Variants in GYS2 observed in about 807,000 individuals in gnomAD.
GYS2 encodes glycogen synthase 2, also known as glycogen [starch] synthase, liver.
Under a neutral mutation model 85.6 loss-of-function variants are expected in GYS2, and 80 were observed. The observed-to-expected ratio is 0.93, with a 90% CI of 0.78 to 1.13. The LOEUF (loss-of-function observed/expected upper bound fraction) is 1.13, where lower values mean the gene tolerates loss of function less well. Ranked by LOEUF, GYS2 falls within the 50% of genes most tolerant of loss-of-function variation. The pLI is 0.00. For synonymous variants in GYS2, 328 were observed against 300.7 expected, an observed-to-expected ratio of 1.09 and a Z score of -0.94; for missense variants, 881 against 854.9, an observed-to-expected ratio of 1.03 and a Z score of -0.38.
intron 14 of GYS2, among the ~76,000 whole-genome samples, chr12:21,539,943 G>A (rs997295100): frequency 1.3e-5 from 2 of 152,194 alleles, no homozygotes; most frequent in Non-Finnish European, 2.9e-5. Context: ...AGCTGTGTGA[G>A]CATCCAGGTG....
intron 11 of GYS2, among the ~76,000 whole-genome samples, chr12:21,553,371 T>C (rs1944136540): frequency 6.6e-6 from 1 of 152,228 alleles, no homozygotes; most frequent in African/African-American, 2.4e-5. Flanking sequence ...TCTGCTGCCT[T>C]CTTTATAGAT....
chr12:21,565,396 TA>T, intron 5 of GYS2, among the ~76,000 whole-genome samples: 2 of 20,356 alleles, frequency 9.8e-5, no homozygotes, highest in Middle Eastern at 0.026. Context: ...ATGAAATATA[TA>T]TATATATATA....
At chr12:21,563,627 G>A (rs1400286607) in intron 5 of GYS2, among the ~76,000 whole-genome samples, 1 of 152,092 alleles carries the variant, frequency 6.6e-6, no homozygotes, top group South Asian at 2.1e-4. Flanking sequence ...AATAATAATG[G>A]TTATTATAGT....
rs1268444701 is a variant in GYS2 at position 21,536,807 on chromosome 12, T to TCAC, written c.*144_*146dup. ...TTATCCTAAATTACAAAATTGTCAT[T>TCAC]CACTCAATTTCTTCCACTTTTTAGG... On this transcript the variant is annotated 3_prime_UTR_variant, in exon 16 of 16. Coordinates refer to ENST00000261195, the MANE Select transcript of GYS2 (RefSeq NM_021957.4). The TCAC allele has an allele frequency of 3.1e-6, 2 of 652,516 alleles. No individual in the cohort carries two copies. Among genetic ancestry groups the TCAC allele is most frequent in the Admixed American group, 5.1e-5 (2 of 39,340 alleles). The allele number at this position is 652,516 out of a possible 1,614,324, so 40.4% of individuals were successfully genotyped here. A position where few individuals can be genotyped will look rare whatever the true frequency, so the allele number is the denominator to read the frequency against.
chr12:21,572,699 A>G (rs2136900697), intron 4 of GYS2, among the ~76,000 whole-genome samples: 1 of 152,348 alleles, frequency 6.6e-6, no homozygotes, highest in Admixed American at 6.5e-5. Flanking sequence ...TATGAAAAAT[A>G]CTGCCCTTTC....
intron 14 of GYS2, among the ~76,000 whole-genome samples, chr12:21,539,586 T>C (rs1023843614): frequency 6.6e-6 from 1 of 152,176 alleles, no homozygotes; most frequent in Non-Finnish European, 1.5e-5. Flanking sequence ...CATATTGAGC[T>C]CTGAATTGAG....
chr12:21,569,412 C>A (rs1386491097), intron 4 of GYS2, among the ~76,000 whole-genome samples: 1 of 152,156 alleles, frequency 6.6e-6, no homozygotes. Context: ...TTAAAGTTGA[C>A]ATCGAAAATA....
intron 1 of GYS2, among the ~76,000 whole-genome samples, chr12:21,602,007 T>C (rs1944761034): frequency 6.6e-6 from 1 of 152,172 alleles, no homozygotes; most frequent in African/African-American, 2.4e-5. Flanking sequence ...GGCAAAATTC[T>C]GGCAGCAAGG....
intron 2 of GYS2, among the ~76,000 whole-genome samples, chr12:21,579,469 T>C (rs372707900): frequency 6.7e-6 from 1 of 149,486 alleles, no homozygotes. Context: ...TTCTCCTGCC[T>C]CAGCCTCCTG....
chr12:21,578,393 G>A (rs1425369418), intron 2 of GYS2, among the ~76,000 whole-genome samples: 1 of 152,076 alleles, frequency 6.6e-6, no homozygotes, highest in Middle Eastern at 3.2e-3. Context: ...TTGCATGAAT[G>A]GTCAAATTAA....
chr12:21,597,026 C>T (rs1944704237), intron 1 of GYS2, among the ~76,000 whole-genome samples: 1 of 152,094 alleles, frequency 6.6e-6, no homozygotes, highest in East Asian at 1.9e-4. Context: ...CCTAATACAA[C>T]CCCTATTTAT....
chr12:21,574,169 ATATT>A lies in GYS2; in HGVS notation c.649_652del (p.Asn217LeufsTer44). The A allele has an allele frequency of 6.2e-7, 1 of 1,613,238 alleles. No homozygotes were observed. The highest frequency in any genetic ancestry group is 8.5e-7 in the Non-Finnish European group (1 of 1,179,186). ...CTTATCAAGATGGTTGTAGAAATCA[ATATT>A]TGCTGCACAGAGATACCTCCCAAGT... On this transcript the variant is annotated frameshift_variant, in exon 4 of 16. Transcript: ENST00000261195. LOFTEE classifies it high-confidence loss of function.
chr12:21,588,503 CA>C (rs1432069728), intron 1 of GYS2, among the ~76,000 whole-genome samples: 1 of 152,138 alleles, frequency 6.6e-6, no homozygotes, highest in Non-Finnish European at 1.5e-5. Context: ...AATGTAACTC[CA>C]AAATGCAAGC....
At position 21,537,445 on chromosome 12, in the gene GYS2, ATGTT is replaced by A. The variant is rs1943923392; in HGVS notation, c.1891-274_1891-271del. 40 of 439,526 alleles carry A rather than the reference ATGTT, an allele frequency of 9.1e-5. No individual in the cohort carries two copies. In the South Asian group the frequency reaches 9.1e-4, roughly 10 times the overall value. The allele number at this position is 439,526 out of a possible 1,614,324, so 27.2% of individuals were successfully genotyped here. A position where few individuals can be genotyped will look rare whatever the true frequency, so the allele number is the denominator to read the frequency against. On this transcript the variant is annotated intron_variant, in intron 15 of 15. Transcript: ENST00000261195. ...ATCTTTTAACAACACTCTGATAAAT[ATGTT>A]TTTTTCAGTACAGAAGAAAATGGAG...
At chr12:21,585,380 C>G (rs1944561037) in intron 1 of GYS2, among the ~76,000 whole-genome samples, 1 of 152,030 alleles carries the variant, frequency 6.6e-6, no homozygotes, top group Non-Finnish European at 1.5e-5. Context: ...TTAACCCAGA[C>G]TATCAAGATG....
Position 21,604,829 on chromosome 12 carries a change from A to G in GYS2, c.-237T>C, listed in dbSNP as rs1267802632. The G allele has an allele frequency of 4.7e-6, 6 of 1,282,802 alleles. No homozygotes were observed. In the South Asian group the frequency reaches 9.2e-5, roughly 20 times the overall value. 79.5% of individuals were successfully genotyped at this position (1,282,802 alleles called of 1,614,324 possible). On this transcript the variant is annotated 5_prime_UTR_variant, in exon 1 of 16. Coordinates refer to ENST00000261195, the MANE Select transcript of GYS2 (RefSeq NM_021957.4). ...TCTGGGCAGGTATTGTGAGGACGGTATCTGCCCTGTCAGTATCTACCCAAA... is the reference window on the plus strand; with the variant it reads ...TCTGGGCAGGTATTGTGAGGACGGTGTCTGCCCTGTCAGTATCTACCCAAA...
chr12:21,558,614 A>C (rs1944212374), intron 10 of GYS2, among the ~76,000 whole-genome samples: 1 of 152,136 alleles, frequency 6.6e-6, no homozygotes. Flanking sequence ...TGAAGTCTTG[A>C]CTTAAGATGA....
Position 21,595,151 on chromosome 12 carries a change from C to T in GYS2, c.121+9321G>A, listed in dbSNP as rs1044628897. 5.9e-5 allele frequency among the ~76,000 whole-genome samples: 9 copies of T among 152,234 alleles called. No individual in the cohort carries two copies. In the East Asian group the frequency reaches 7.7e-4, roughly 13 times the overall value. ...AATCCCCAACTTCTCAGGATCTTGG[C>T]GGATGGGAGGTAGGCCTAGATTGCA... On this transcript the variant is annotated intron_variant, in intron 1 of 15. Coordinates refer to ENST00000261195, the MANE Select transcript of GYS2 (RefSeq NM_021957.4).
In GYS2 at chr12:21,537,364, A is replaced by C. The variant is rs1490408752; in HGVS notation, c.1891-189T>G. 35 of 616,426 alleles carry C rather than the reference A, an allele frequency of 5.7e-5. No individual in the cohort carries two copies. In the East Asian group the frequency reaches 9.7e-4, roughly 17 times the overall value. 38.2% of individuals were successfully genotyped at this position (616,426 alleles called of 1,614,324 possible). A position where few individuals can be genotyped will look rare whatever the true frequency, so the allele number is the denominator to read the frequency against. ...AGAGGGATTCATTCAATATATAGCT[A>C]TTCTTTATTAAGTACTGAAATGTGC... is the stretch of plus-strand genomic sequence containing the variant. On this transcript the variant is annotated intron_variant, in intron 15 of 15. Transcript: ENST00000261195.
Sources: allele counts gnomAD v4.1 joint callset (sites outside exome capture counted in the v4.1 genomes callset), GRCh38; gene constraint gnomAD v4.1.1; transcripts MANE v1.5; gene names NCBI Gene and HGNC (gene_info 2026-07-23, HGNC 2026-07-21).